RERE: variants seen among roughly 807,000 people sequenced by gnomAD.
RERE encodes the protein arginine-glutamic acid dipeptide repeats protein.
RERE carries 40 observed loss-of-function variants against 146.1 expected under a neutral mutation model. That is an observed-to-expected ratio of 0.27 (90% CI 0.21 to 0.36). The LOEUF (loss-of-function observed/expected upper bound fraction) is 0.36. Ranked by LOEUF, RERE falls within the 10% of genes least tolerant of loss-of-function variation. The probability of loss-of-function intolerance (pLI) is 1.00; values close to 1 mark genes in which losing one functional copy is unlikely to be tolerated. For missense variants in RERE, 1,933 were observed against 2,138.7 expected, an observed-to-expected ratio of 0.90 and a Z score of 1.90; for synonymous variants, 1,003 against 866.0, an observed-to-expected ratio of 1.16 and a Z score of -2.78.
chr1:8,408,432 G>A (rs536318348), intron 12 of RERE, among the ~76,000 whole-genome samples: 2 of 152,172 alleles, frequency 1.3e-5, no homozygotes, highest in Non-Finnish European at 2.9e-5. Flanking sequence ...AGGATGCCCT[G>A]CTGTACAACC....
chr1:8,553,540 T>C (rs886396168), intron 6 of RERE, among the ~76,000 whole-genome samples: 1 of 152,234 alleles, frequency 6.6e-6, no homozygotes, highest in Non-Finnish European at 1.5e-5. Flanking sequence ...TGTCATCTGA[T>C]GTCTTTGAAA....
At chr1:8,598,601 A>G (rs977866725) in intron 4 of RERE, among the ~76,000 whole-genome samples, 1 of 152,112 alleles carries the variant, frequency 6.6e-6, no homozygotes, top group Non-Finnish European at 1.5e-5. Context: ...AACCACATCC[A>G]ATGCTCTGTT....
Position 8,508,690 on chromosome 1 carries a change from G to A in RERE, c.831-15C>T. On this transcript the variant is annotated splice_polypyrimidine_tract_variant and intron_variant, in intron 7 of 22. Coordinates refer to ENST00000400908, the MANE Select transcript of RERE (RefSeq NM_001042681.2). ...TGTTCAGCCTCCTGGAACAGAAATA[G>A]AGCAGATTAAGTTAGCGCAATACAG... is the stretch of plus-strand genomic sequence containing the variant. 1 of 1,607,600 alleles carries A rather than the reference G, an allele frequency of 6.2e-7. No individual in the cohort carries two copies. The highest frequency in any genetic ancestry group is 8.5e-7 in the Non-Finnish European group (1 of 1,175,012).
chr1:8,553,194 G>A (rs116173863), intron 6 of RERE, among the ~76,000 whole-genome samples: 1,794 of 151,628 alleles, frequency 0.012, 33 homozygotes, highest in African/African-American at 0.041. Context: ...AGGCCAGTGC[G>A]TCCACACACA....
chr1:8,797,910 A>T (rs951071501), intron 1 of RERE, among the ~76,000 whole-genome samples: 8 of 152,236 alleles, frequency 5.3e-5, no homozygotes, highest in Non-Finnish European at 1.0e-4. Context: ...CTTCAAGTTC[A>T]GCCTAATAGG....
chr1:8,669,077 T>TGTG (rs1220047868), intron 1 of RERE, among the ~76,000 whole-genome samples: 9 of 134,166 alleles, frequency 6.7e-5, no homozygotes, highest in Non-Finnish European at 1.1e-4. Context: ...TGTGTGTGTG[T>TGTG]TGTGTTTTTA....
At chr1:8,559,282 A>AAAAAAAAAAAAC (rs1646045946) in intron 4 of RERE, among the ~76,000 whole-genome samples, 2 of 115,882 alleles carry the variant, frequency 1.7e-5, no homozygotes, top group African/African-American at 6.9e-5. Flanking sequence ...CTCCAGCTCA[A>AAAAAAAAAAAAC]AAAAAAAAAA....
chr1:8,647,845 T>C (rs375991337), intron 2 of RERE, among the ~76,000 whole-genome samples: 1 of 152,190 alleles, frequency 6.6e-6, no homozygotes, highest in African/African-American at 2.4e-5. Flanking sequence ...TAGCTAAATG[T>C]TAGGACCATT....
Position 8,423,507 on chromosome 1 carries a change from C to T in RERE, c.1204-700G>A. ...GAGACTTTCACTTTGTCCCATGCCT[C>T]CCGAGCACCCCTCCCCGCCCCGGTG... On this transcript the variant is annotated intron_variant, in intron 11 of 22. Transcript: ENST00000400908. The surrounding 1 kb of genome is among the most constrained non-coding windows in gnomAD (Gnocchi z 5.4). The T allele has an allele frequency of 1.0e-6, 1 of 980,634 alleles. No homozygotes were observed. The highest frequency in any genetic ancestry group is 1.2e-6 in the Non-Finnish European group (1 of 825,552). The allele number at this position is 980,634 out of a possible 1,614,324, so 60.7% of individuals were successfully genotyped here. A position where few individuals can be genotyped will look rare whatever the true frequency, so the allele number is the denominator to read the frequency against.
intron 3 of RERE, among the ~76,000 whole-genome samples, chr1:8,617,081 A>G (rs953277215): frequency 1.3e-5 from 2 of 152,168 alleles, no homozygotes; most frequent in African/African-American, 4.8e-5. Flanking sequence ...GCGGTGGTTC[A>G]TGCCTGTAAT....
intron 12 of RERE, among the ~76,000 whole-genome samples, chr1:8,406,185 C>A (rs889568465): frequency 6.6e-6 from 1 of 152,060 alleles, no homozygotes; most frequent in African/African-American, 2.4e-5. Flanking sequence ...ACGGCCTCAA[C>A]CTCCTGGGTT....
chr1:8,646,517 G>A (rs1339023269), intron 2 of RERE, among the ~76,000 whole-genome samples: 1 of 150,954 alleles, frequency 6.6e-6, no homozygotes, highest in Non-Finnish European at 1.5e-5. Flanking sequence ...GGACAACAGA[G>A]TGAGACCCTT....
chr1:8,569,257 CA>C lies in RERE; in HGVS notation c.523-11735del, dbSNP rs77151908. Among the ~76,000 whole-genome samples, 693 of 101,408 alleles carry C rather than the reference CA, an allele frequency of 6.8e-3. 2 individuals are homozygous for C. Among genetic ancestry groups the C allele is most frequent in the East Asian group, 0.013 (38 of 2,890 alleles). The allele number at this position is 101,408 out of a possible 152,430, so 66.5% of individuals were successfully genotyped here. ...ACAGTCCATTAAATTTCTTTAAAAG[CA>C]AAAAAAAAAAAAAAAGAGTACAAAT... On this transcript the variant is annotated intron_variant, in intron 4 of 22. Transcript: ENST00000400908.
intron 1 of RERE, among the ~76,000 whole-genome samples, chr1:8,743,929 AGAATATTTTCTCCAT>A (rs1158707154): frequency 1.3e-5 from 2 of 152,176 alleles, no homozygotes; most frequent in African/African-American, 4.8e-5. Context: ...TTCTCCCACT[AGAATATTTTCTCCAT>A]GAATTAAGGA....
chr1:8,661,239 G>A (rs1441644381), intron 1 of RERE, among the ~76,000 whole-genome samples: 1 of 152,150 alleles, frequency 6.6e-6, no homozygotes, highest in Non-Finnish European at 1.5e-5. Flanking sequence ...CCAGAAGCAG[G>A]AATGAGCCAG....
At chr1:8,474,375 T>G (rs1034245177) in intron 10 of RERE, among the ~76,000 whole-genome samples, 9 of 152,210 alleles carry the variant, frequency 5.9e-5, no homozygotes, top group African/African-American at 1.9e-4. Flanking sequence ...AGCATGTTAT[T>G]TTATAGAGCA....
intron 19 of RERE, 100 bp downstream of exon 19, chr1:8,359,664 C>T (rs932733264): frequency 2.3e-6 from 3 of 1,324,434 alleles, no homozygotes; most frequent in Non-Finnish European, 3.2e-6. Flanking sequence ...GCCAGGAGGC[C>T]GAGTCAGGCA....
At position 8,364,728 on chromosome 1, in the gene RERE, C is replaced by G. The variant is rs747944482; in HGVS notation, c.1540+18G>C. ...TTGTGCCCCCGCCCCGCCCCAGGAG[C>G]GTGACGAGGCCACTTACTGGTGGTG... On this transcript the variant is annotated intron_variant, in intron 14 of 22. Coordinates refer to ENST00000400908, the MANE Select transcript of RERE (RefSeq NM_001042681.2). The surrounding 1 kb of genome is among the most constrained non-coding windows in gnomAD (Gnocchi z 5.1). The G allele has an allele frequency of 4.4e-6, 7 of 1,592,276 alleles. No homozygotes were observed. The highest frequency in any genetic ancestry group is 6.0e-6 in the Non-Finnish European group (7 of 1,160,252).
chr1:8,459,497 A>C (rs1644499052), intron 11 of RERE, among the ~76,000 whole-genome samples: 1 of 152,236 alleles, frequency 6.6e-6, no homozygotes, highest in Non-Finnish European at 1.5e-5. Flanking sequence ...CATTGTATCT[A>C]TATTTTGGGT....
Sources: allele counts gnomAD v4.1 joint callset (sites outside exome capture counted in the v4.1 genomes callset), GRCh38; gene constraint gnomAD v4.1.1; non-coding constraint Gnocchi (gnomAD v3.1); transcripts MANE v1.5; gene names NCBI Gene and HGNC (gene_info 2026-07-23, HGNC 2026-07-21).